The following ARL14EPL variants were observed in gnomAD, a reference collection of about 807,000 sequenced individuals.
The protein encoded by ARL14EPL is ARL14 effector protein-like.
A neutral mutation model predicts 15.9 loss-of-function variants in ARL14EPL; 17 were observed. The observed-to-expected ratio is 1.07, with a 90% CI of 0.73 to 1.60. ARL14EPL has a LOEUF of 1.60. Among genes scored for constraint, ARL14EPL ranks in the 40% most tolerant of loss-of-function variants. ARL14EPL has a pLI of 0.00. For missense variants in ARL14EPL, 214 were observed against 185.9 expected, an observed-to-expected ratio of 1.15 and a Z score of -0.88; for synonymous variants, 78 against 63.8, an observed-to-expected ratio of 1.22 and a Z score of -1.06.
intron 1 of ARL14EPL, among the ~76,000 whole-genome samples, chr5:116,033,818 T>A (rs574434363): frequency 6.6e-6 from 1 of 152,322 alleles, no homozygotes; most frequent in African/African-American, 2.4e-5. Flanking sequence ...AAAAAAAGGC[T>A]GTGTGTGTAT....
chr5:116,040,063 A>C (rs1182820661), intron 1 of ARL14EPL, among the ~76,000 whole-genome samples: 1 of 152,076 alleles, frequency 6.6e-6, no homozygotes, highest in Non-Finnish European at 1.5e-5. Context: ...CAAACTTTTT[A>C]CTCTCCCAAC....
rs150101653 is a variant in ARL14EPL, at chr5:116,057,010, A to G, written c.237-1715A>G. On this transcript the variant is annotated intron_variant, in intron 3 of 3. Coordinates refer to ENST00000686077, the MANE Select transcript of ARL14EPL (RefSeq NM_001195581.2). ...TAGACGAATATCCCTGATGAACATC[A>G]ATGCAAATATCCTCAATAAAATACT... 4.7e-3 allele frequency among the ~76,000 whole-genome samples: 719 copies of G among 152,324 alleles called. 8 individuals are homozygous for G. The highest frequency in any genetic ancestry group is 0.016 in the African/African-American group (682 of 41,570).
intron 1 of ARL14EPL, among the ~76,000 whole-genome samples, chr5:116,033,626 C>T (rs1554077247): frequency 9.5e-6 from 1 of 105,498 alleles, no homozygotes; most frequent in Non-Finnish European, 1.8e-5. Flanking sequence ...TTTAGAGGCA[C>T]AGAATGAAAA....
intron 3 of ARL14EPL, among the ~76,000 whole-genome samples, chr5:116,056,686 C>T (rs1485485615): frequency 6.6e-6 from 1 of 152,074 alleles, no homozygotes; most frequent in Non-Finnish European, 1.5e-5. Flanking sequence ...CTTTTGTTGC[C>T]ATTGCTTTTG....
At chr5:116,056,685 C>A (rs1186654083) in intron 3 of ARL14EPL, among the ~76,000 whole-genome samples, 1 of 152,134 alleles carries the variant, frequency 6.6e-6, no homozygotes, top group Non-Finnish European at 1.5e-5. Context: ...TCTTTTGTTG[C>A]CATTGCTTTT....
chr5:116,035,065 G>A (rs927395407), intron 1 of ARL14EPL, among the ~76,000 whole-genome samples: 2 of 152,128 alleles, frequency 1.3e-5, no homozygotes, highest in Non-Finnish European at 2.9e-5. Context: ...TCTAATGCTT[G>A]CACTTGAGCC....
chr5:116,058,826 C>T lies in ARL14EPL; in HGVS notation c.338C>T (p.Pro113Leu), dbSNP rs867839133. The stretch of plus-strand genomic sequence containing the variant: ...TGCCTGGGCTGCTTCTACCCATGCC[C>T]GAAGTGTAACTCCAACAAGTGTGGG... ...KNCLGCFYPC[P>L]KCNSNKCGPE... is the part of the protein sequence containing the mutation. The change falls in exon 4 of 4, where the codon CCG becomes CTG. Residue 113 changes from proline (P) to leucine (L), a missense_variant. By Grantham distance (98) the Pro-to-Leu change is moderately conservative. Transcript: ENST00000686077. 6 of 1,536,062 alleles carry T rather than the reference C, an allele frequency of 3.9e-6. No individual in the cohort carries two copies. Among genetic ancestry groups the T allele is most frequent in the East Asian group, 2.4e-5 (1 of 40,918 alleles).
At chr5:116,048,981 A>C (rs1274332870) in intron 1 of ARL14EPL, among the ~76,000 whole-genome samples, 3 of 152,174 alleles carry the variant, frequency 2.0e-5, no homozygotes, top group Non-Finnish European at 4.4e-5. Flanking sequence ...TGATAAACCC[A>C]AAATATTTTA....
At chr5:116,046,564 C>G (rs775152526) in intron 1 of ARL14EPL, among the ~76,000 whole-genome samples, 2 of 152,176 alleles carry the variant, frequency 1.3e-5, no homozygotes, top group Non-Finnish European at 1.5e-5. Flanking sequence ...GCCTCCACAC[C>G]TTGCCAGGGT....
intron 1 of ARL14EPL, among the ~76,000 whole-genome samples, chr5:116,047,478 T>A (rs776312207): frequency 6.6e-6 from 1 of 152,262 alleles, no homozygotes. Context: ...AATGACTCTT[T>A]CTGAGCCTTG....
chr5:116,051,496 A>T lies in ARL14EPL; in HGVS notation c.31A>T (p.Ile11Phe). 1 of 1,535,814 alleles carries T rather than the reference A, an allele frequency of 6.5e-7. No individual in the cohort carries two copies. Among genetic ancestry groups the T allele is most frequent in the African/African-American group, 1.4e-5 (1 of 73,182 alleles). MNEQSEKNNS[I>F]QERHTDHSFP... Reference sequence around the variant, plus strand: ...TGAACAATCAGAGAAAAACAATTCCATTCAAGAGAGACACACAGATCATAG... The same window carrying T: ...TGAACAATCAGAGAAAAACAATTCCTTTCAAGAGAGACACACAGATCATAG... The change falls in exon 2 of 4, where the codon ATT (isoleucine) becomes TTT (phenylalanine). Residue 11 changes from isoleucine to phenylalanine, a missense_variant. Ile to Phe is a conservative substitution (Grantham distance 21). Transcript: ENST00000686077.
chr5:116,040,456 C>T (rs1159306551), intron 1 of ARL14EPL, among the ~76,000 whole-genome samples: 3 of 151,500 alleles, frequency 2.0e-5, no homozygotes, highest in Non-Finnish European at 2.9e-5. Context: ...GACGGGAAGG[C>T]ATTTCTGGAA....
intron 1 of ARL14EPL, among the ~76,000 whole-genome samples, chr5:116,045,988 A>G (rs552469384): frequency 6.6e-6 from 1 of 152,254 alleles, no homozygotes; most frequent in Non-Finnish European, 1.5e-5. Context: ...AACAGCTTGG[A>G]GAGGGCAGCA....
chr5:116,054,359 T>A (rs1049689912), intron 3 of ARL14EPL, among the ~76,000 whole-genome samples: 3 of 152,184 alleles, frequency 2.0e-5, no homozygotes, highest in Non-Finnish European at 2.9e-5. Context: ...ATCGATTTTT[T>A]AAAAAGGCTT....
intron 1 of ARL14EPL, among the ~76,000 whole-genome samples, chr5:116,045,355 A>G (rs1348362442): frequency 3.9e-5 from 6 of 152,228 alleles, no homozygotes; most frequent in Non-Finnish European, 5.9e-5. Flanking sequence ...TACCAGGTTA[A>G]TGCTGAAAAT....
chr5:116,049,535 G>C (rs918634927), intron 1 of ARL14EPL, among the ~76,000 whole-genome samples: 1 of 152,080 alleles, frequency 6.6e-6, no homozygotes, highest in Non-Finnish European at 1.5e-5. Flanking sequence ...GTGCAGGTTT[G>C]TTACAGAAGC....
intron 1 of ARL14EPL, among the ~76,000 whole-genome samples, chr5:116,034,690 C>A (rs1378266491): frequency 3.4e-5 from 4 of 118,666 alleles, no homozygotes; most frequent in Non-Finnish European, 5.4e-5. Flanking sequence ...GGTGATATAC[C>A]ATTTGAGCTA....
intron 2 of ARL14EPL, among the ~76,000 whole-genome samples, chr5:116,053,645 G>A (rs1366506657): frequency 6.6e-6 from 1 of 152,242 alleles, no homozygotes; most frequent in African/African-American, 2.4e-5. Flanking sequence ...GCTAACAGCC[G>A]AGGAAGGGCC....
Position 116,051,491 on chromosome 5 carries a change from A to G in ARL14EPL, c.26A>G (p.Asn9Ser). The change falls in exon 2 of 4, where the codon AAT becomes AGT. Residue 9 changes from asparagine (N) to serine (S), a missense_variant. Transcript: ENST00000686077. Reference protein sequence around the residue: MNEQSEKNNSIQERHTDHS... With the variant: MNEQSEKNSSIQERHTDHS... ...ATGAATGAACAATCAGAGAAAAACA[A>G]TTCCATTCAAGAGAGACACACAGAT... 6.5e-7 allele frequency: 1 copy of G among 1,535,536 alleles called. No individual in the cohort carries two copies. The highest frequency in any genetic ancestry group is 8.7e-7 in the Non-Finnish European group (1 of 1,146,442).
Sources: allele counts gnomAD v4.1 joint callset (sites outside exome capture counted in the v4.1 genomes callset), GRCh38; gene constraint gnomAD v4.1.1; transcripts MANE v1.5; gene names NCBI Gene and HGNC (gene_info 2026-07-23, HGNC 2026-07-21).